TSPEAR: variants seen among roughly 807,000 people sequenced by gnomAD.
TSPEAR encodes the protein thrombospondin-type laminin G domain and EAR repeat-containing protein.
In TSPEAR, 69 loss-of-function variants were observed where a neutral mutation model predicts 71.6. That is an observed-to-expected ratio of 0.96 (90% confidence interval 0.79 to 1.18). The LOEUF is 1.18. TSPEAR is among the 50% of genes most tolerant of loss of function. The pLI is 0.00. For missense variants in TSPEAR, 971 were observed against 894.9 expected (o/e 1.09, Z -1.09); for synonymous variants, 402 against 387.2 (o/e 1.04, Z -0.45).
chr21:44,614,826 T>C (rs115121632), intron 1 of TSPEAR, among the ~76,000 whole-genome samples: 2,735 of 151,998 alleles, frequency 0.018, 75 homozygotes, highest in African/African-American at 0.053. Context: ...ACCGAGAAGA[T>C]TTCAATGAGA....
intron 1 of TSPEAR, among the ~76,000 whole-genome samples, chr21:44,683,655 C>G (rs1601563089): frequency 1.3e-5 from 2 of 151,294 alleles, no homozygotes; most frequent in South Asian, 4.2e-4. Context: ...GGCAACAGAG[C>G]AAGACCCCGT....
intron 1 of TSPEAR, among the ~76,000 whole-genome samples, chr21:44,646,124 CAAAAAAAAAAAAAAAAA>C (rs55672014): frequency 6.7e-4 from 21 of 31,240 alleles, no homozygotes; most frequent in African/African-American, 2.2e-3. Context: ...GACTCCCTCT[CAAAAAAAAAAAAAAAAA>C]AAAAAAAAAA....
chr21:44,507,987 AATC>A (rs1297381281), intron 10 of TSPEAR: 27 of 152,322 alleles, frequency 1.8e-4, no homozygotes, highest in African/African-American at 6.5e-4. Flanking sequence ...AATTTTTAAA[AATC>A]ATATAAGTAA....
intron 1 of TSPEAR, among the ~76,000 whole-genome samples, chr21:44,682,399 G>A (rs781804976): frequency 1.3e-5 from 2 of 152,206 alleles, no homozygotes; most frequent in Non-Finnish European, 2.9e-5. Flanking sequence ...TGATGCACAG[G>A]CAGTTTTAGC....
At chr21:44,509,171 C>A (rs1288569311) in intron 10 of TSPEAR, 28 bp downstream of exon 10, 1 of 1,604,750 alleles carries the variant, frequency 6.2e-7, no homozygotes, top group African/African-American at 1.3e-5. Flanking sequence ...GATCAGCCCA[C>A]CTCCCACTGG....
chr21:44,555,376 C>T (rs1555919608), intron 2 of TSPEAR, among the ~76,000 whole-genome samples: 1 of 151,460 alleles, frequency 6.6e-6, no homozygotes, highest in African/African-American at 2.5e-5. Context: ...CCCATCCTCC[C>T]CAAGGGGTGA....
intron 1 of TSPEAR, among the ~76,000 whole-genome samples, chr21:44,698,218 T>C (rs1378458241): frequency 6.6e-6 from 1 of 152,176 alleles, no homozygotes; most frequent in Non-Finnish European, 1.5e-5. Flanking sequence ...CTGTGCCTCC[T>C]CTGGCCATTG....
chr21:44,604,233 G>A (rs1246406955), intron 1 of TSPEAR, among the ~76,000 whole-genome samples: 3 of 152,180 alleles, frequency 2.0e-5, no homozygotes, highest in African/African-American at 7.2e-5. Flanking sequence ...GGCCTTGTGG[G>A]CTTAAGCCAT....
intron 2 of TSPEAR, among the ~76,000 whole-genome samples, chr21:44,562,732 GAA>G (rs1170287985): frequency 6.6e-6 from 1 of 151,694 alleles, no homozygotes; most frequent in Non-Finnish European, 1.5e-5. Flanking sequence ...AGTGCTCAAA[GAA>G]AAAAAAGTCA....
chr21:44,614,861 A>G (rs1555932081), intron 1 of TSPEAR, among the ~76,000 whole-genome samples: 1 of 152,216 alleles, frequency 6.6e-6, no homozygotes, highest in East Asian at 1.9e-4. Flanking sequence ...CCCAGGAGGA[A>G]ATAGGCATGG....
intron 1 of TSPEAR, among the ~76,000 whole-genome samples, chr21:44,655,445 G>A (rs1254913748): frequency 1.3e-5 from 2 of 152,226 alleles, no homozygotes; most frequent in Non-Finnish European, 2.9e-5. Flanking sequence ...TGTGACCACA[G>A]TGGGCTTCCT....
chr21:44,644,665 GA>G, intron 1 of TSPEAR, among the ~76,000 whole-genome samples: 1 of 151,716 alleles, frequency 6.6e-6, no homozygotes, highest in Non-Finnish European at 1.5e-5. Flanking sequence ...AAGGAAACAA[GA>G]AAAAAACATT....
At chr21:44,508,962 C>T (rs936406585) in intron 10 of TSPEAR, 16 of 1,537,098 alleles carry the variant, frequency 1.0e-5, no homozygotes, top group African/African-American at 1.4e-5. Flanking sequence ...ACTCCGCACA[C>T]AGCACCCGGC....
At chr21:44,539,989 G>A (rs1555917012) in intron 2 of TSPEAR, 4 of 1,613,308 alleles carry the variant, frequency 2.5e-6, no homozygotes, top group African/African-American at 1.3e-5. Flanking sequence ...AGCAGGGGCT[G>A]GACACACGGC....
At chr21:44,563,962 C>T (rs782664000) in intron 2 of TSPEAR, among the ~76,000 whole-genome samples, 6 of 152,176 alleles carry the variant, frequency 3.9e-5, no homozygotes, top group Non-Finnish European at 7.4e-5. Flanking sequence ...GAACACTGAA[C>T]AGCCCCTTCA....
chr21:44,601,305 C>A, intron 1 of TSPEAR: 1 of 1,611,836 alleles, frequency 6.2e-7, no homozygotes. Flanking sequence ...AGCAGGCCTG[C>A]TGTGTGCCTG....
intron 1 of TSPEAR, chr21:44,654,612 C>A: frequency 6.4e-7 from 1 of 1,554,346 alleles, no homozygotes; most frequent in South Asian, 1.2e-5. Context: ...TGGTGTGGCA[C>A]ATGATGGAGT....
chr21:44,553,213 C>T (rs782320776), intron 2 of TSPEAR, among the ~76,000 whole-genome samples: 4 of 152,206 alleles, frequency 2.6e-5, no homozygotes, highest in Non-Finnish European at 5.9e-5. Context: ...TATGGACAGA[C>T]GCGGAAGCTT....
intron 1 of TSPEAR, among the ~76,000 whole-genome samples, chr21:44,586,346 G>T (rs587692706): frequency 1.3e-5 from 2 of 152,196 alleles, no homozygotes; most frequent in South Asian, 2.1e-4. Context: ...CTGGTCTGCA[G>T]ATGGCATGCC....
Sources: allele counts gnomAD v4.1 joint callset (sites outside exome capture counted in the v4.1 genomes callset), GRCh38; gene constraint gnomAD v4.1.1; transcripts MANE v1.5; gene names NCBI Gene and HGNC (gene_info 2026-07-23, HGNC 2026-07-21).